The following PDCD6IP variants were observed in gnomAD, a reference collection of about 807,000 sequenced individuals.
PDCD6IP encodes programmed cell death 6-interacting protein.
A neutral mutation model predicts 103.7 loss-of-function variants in PDCD6IP; 43 were observed. The ratio of observed to expected loss-of-function variants is 0.41; its 90% CI spans 0.32 to 0.53. PDCD6IP has a LOEUF of 0.53. Among genes scored for constraint, PDCD6IP ranks in the 20% least tolerant of loss-of-function variants. PDCD6IP has a pLI of 0.16. For missense variants in PDCD6IP, 871 were observed against 1,036.7 expected, an observed-to-expected ratio of 0.84 and a Z score of 2.20; for synonymous variants, 354 against 378.7, an observed-to-expected ratio of 0.93 and a Z score of 0.76.
rs1166924457 is a variant in PDCD6IP, at chr3:33,829,030, TGA to T, written c.834+64_834+65del. The T allele has an allele frequency of 6.5e-6, 9 of 1,385,416 alleles. No homozygotes were observed. The African/African-American group carries it at 1.2e-4, about 18-fold the overall frequency. 85.8% of individuals were successfully genotyped at this position (1,385,416 alleles called of 1,614,324 possible). A position where few individuals can be genotyped will look rare whatever the true frequency, so the allele number is the denominator to read the frequency against. On this transcript the variant is annotated intron_variant, in intron 7 of 17. Coordinates refer to ENST00000307296, the MANE Select transcript of PDCD6IP (RefSeq NM_013374.6). ...CTTGGATCTCTCTTTTTTTTCCTAG[TGA>T]GATTTCCAAGTTTGCCCATAAAAAC...
At chr3:33,843,917 C>A (rs1188787533) in intron 10 of PDCD6IP, among the ~76,000 whole-genome samples, 195 bp from the exon 11 acceptor site, 2 of 149,258 alleles carry the variant, frequency 1.3e-5, no homozygotes, top group Non-Finnish European at 3.0e-5. Flanking sequence ...AGCTAATTCA[C>A]CCTTAAATTT....
intron 14 of PDCD6IP, 92 bp from the exon 15 acceptor site, chr3:33,855,074 A>G: frequency 1.3e-6 from 1 of 742,650 alleles, no homozygotes; most frequent in Non-Finnish European, 2.4e-6. Flanking sequence ...CTTCGGCTCT[A>G]ACTATCATTG....
chr3:33,807,260 G>T (rs1696619158), intron 1 of PDCD6IP, among the ~76,000 whole-genome samples: 1 of 152,136 alleles, frequency 6.6e-6, no homozygotes, highest in African/African-American at 2.4e-5. Flanking sequence ...TTATAGCAAG[G>T]GTCAGCAAAA....
chr3:33,852,003 T>C (rs1224961458), intron 12 of PDCD6IP, among the ~76,000 whole-genome samples: 6 of 152,174 alleles, frequency 3.9e-5, no homozygotes, highest in African/African-American at 1.4e-4. Context: ...CTTCCCCTGC[T>C]TCACAGCCAT....
intron 1 of PDCD6IP, among the ~76,000 whole-genome samples, chr3:33,809,549 C>A (rs990731715): frequency 6.6e-6 from 1 of 152,206 alleles, no homozygotes; most frequent in Non-Finnish European, 1.5e-5. Flanking sequence ...GTACTTAATA[C>A]TTCAGAGTTT....
In PDCD6IP at chr3:33,836,173, C is replaced by T. The variant is rs757693835; in HGVS notation, c.964C>T (p.Arg322Ter). ...KKDNDFIYHD[R>*]VPDLKDLDPI... ...GGATAATGACTTCATTTATCATGAT[C>T]GAGTTCCAGACCTTAAAGATCTAGA... Residue 322 changes from arginine (R) to a stop codon, truncating the protein, a stop_gained, in exon 8 of 18, where the codon CGA becomes TGA. Transcript: ENST00000307296. LOFTEE classifies it high-confidence loss of function. The T allele has an allele frequency of 4.3e-6, 7 of 1,612,812 alleles. No homozygotes were observed. The highest frequency in any genetic ancestry group is 5.9e-6 in the Non-Finnish European group (7 of 1,178,838).
intron 6 of PDCD6IP, chr3:33,827,321 AT>A (rs1697149225): frequency 5.3e-6 from 3 of 570,268 alleles, no homozygotes; most frequent in Non-Finnish European, 6.7e-6. Flanking sequence ...TAGTTTCATC[AT>A]ATGGTATCTG....
intron 1 of PDCD6IP, chr3:33,799,251 T>G: frequency 3.2e-6 from 1 of 308,734 alleles, no homozygotes. Context: ...AGAACTAGTC[T>G]TCACTTTTTT....
At chr3:33,859,384 A>G (rs1038681503) in intron 15 of PDCD6IP, among the ~76,000 whole-genome samples, 3 of 152,304 alleles carry the variant, frequency 2.0e-5, no homozygotes, top group African/African-American at 7.2e-5. Flanking sequence ...TCTCATAGAA[A>G]TATGATAAAC....
At chr3:33,811,044 C>T in intron 1 of PDCD6IP, 1 of 413,912 alleles carries the variant, frequency 2.4e-6, no homozygotes, top group Non-Finnish European at 4.9e-6. Context: ...CGCCACCATG[C>T]CTGGCTAATG....
chr3:33,807,720 G>A (rs563961753), intron 1 of PDCD6IP, among the ~76,000 whole-genome samples: 6 of 152,320 alleles, frequency 3.9e-5, no homozygotes, highest in East Asian at 3.9e-4. Context: ...CTGGGCAGCC[G>A]TGTGCCACAA....
chr3:33,799,053 C>T (rs890863047), intron 1 of PDCD6IP, 116 bp downstream of exon 1: 39 of 1,016,048 alleles, frequency 3.8e-5, no homozygotes, highest in Non-Finnish European at 5.2e-5. Context: ...CCGTCCCGGC[C>T]TGACCAGGCG....
intron 3 of PDCD6IP, among the ~76,000 whole-genome samples, chr3:33,818,362 C>G (rs938042798): frequency 2.0e-5 from 3 of 151,482 alleles, no homozygotes; most frequent in Non-Finnish European, 4.4e-5. Context: ...CCCACCTTGC[C>G]TTCCCAAAGT....
chr3:33,798,743 C>G lies in PDCD6IP; in HGVS notation c.15C>G (p.Ile5Met), dbSNP rs1030168366. The G allele has an allele frequency of 6.4e-7, 1 of 1,565,112 alleles. No homozygotes were observed. Among genetic ancestry groups the G allele is most frequent in the African/African-American group, 1.4e-5 (1 of 73,452 alleles). MATF[I>M]SVQLKKTSEV... ...AGGCGCTGATCATGGCGACATTCAT[C>G]TCGGTGCAGCTGAAAAAGACCTCAG... is the stretch of plus-strand genomic sequence containing the variant. The change falls in exon 1 of 18, where the codon ATC becomes ATG. Residue 5 changes from isoleucine (I) to methionine (M), a missense_variant. By Grantham distance (10) the Ile-to-Met change is conservative. Around this residue, in one of 5 missense-constraint regions of PDCD6IP, gnomAD observed 114 missense variants for 106.7 expected, o/e 1.07. Coordinates refer to ENST00000307296, the MANE Select transcript of PDCD6IP (RefSeq NM_013374.6).
chr3:33,808,763 T>C (rs1696653229), intron 1 of PDCD6IP, among the ~76,000 whole-genome samples: 1 of 152,216 alleles, frequency 6.6e-6, no homozygotes, highest in African/African-American at 2.4e-5. Context: ...ATTGCTGTTT[T>C]GTCCAAACCT....
At chr3:33,806,741 C>A (rs1026668873) in intron 1 of PDCD6IP, among the ~76,000 whole-genome samples, 2 of 152,140 alleles carry the variant, frequency 1.3e-5, no homozygotes, top group African/African-American at 4.8e-5. Flanking sequence ...TCTGTGGATT[C>A]CCTATCTAGA....
chr3:33,802,815 A>AACCT (rs1466012010), intron 1 of PDCD6IP, among the ~76,000 whole-genome samples: 1 of 152,076 alleles, frequency 6.6e-6, no homozygotes, highest in Non-Finnish European at 1.5e-5. Flanking sequence ...TTTGAGAGTG[A>AACCT]ACCTACCTTC....
At chr3:33,844,049 A>C in intron 10 of PDCD6IP, 63 bp from the exon 11 acceptor site, 2 of 957,844 alleles carry the variant, frequency 2.1e-6, no homozygotes, top group South Asian at 2.9e-5. Context: ...AACATTTATT[A>C]AATGTATTAA....
At chr3:33,844,490 AT>A (rs537132684) in intron 11 of PDCD6IP, among the ~76,000 whole-genome samples, 1 of 151,722 alleles carries the variant, frequency 6.6e-6, no homozygotes, top group South Asian at 2.1e-4. Flanking sequence ...TATTTTATTT[AT>A]TTTTTTTGAG....
Sources: gnomAD v4.1 joint callset for allele counts (sites outside exome capture counted in the v4.1 genomes callset) on GRCh38, gnomAD v4.1.1 for gene constraint, gnomAD v4.1.1 regional missense constraint, MANE v1.5 for transcripts, NCBI Gene and HGNC (gene_info 2026-07-23, HGNC 2026-07-21) for gene names.